The following SH3PXD2A variants were observed in gnomAD, a reference collection of about 807,000 sequenced individuals.
SH3PXD2A encodes SH3 and PX domain-containing protein 2A.
SH3PXD2A carries 32 observed loss-of-function variants against 115.2 expected under a neutral mutation model. The ratio of observed to expected loss-of-function variants is 0.28; its 90% confidence interval spans 0.21 to 0.37. The LOEUF (loss-of-function observed/expected upper bound fraction) is 0.37. SH3PXD2A is among the 10% of genes least tolerant of loss of function. The pLI is 1.00. For synonymous variants in SH3PXD2A, 610 were observed against 629.1 expected (o/e 0.97, Z 0.45); for missense variants, 1,328 against 1,498.7 (o/e 0.89, Z 1.88).
chr10:103,757,774 A>G (rs906884420), intron 3 of SH3PXD2A, among the ~76,000 whole-genome samples: 3 of 152,182 alleles, frequency 2.0e-5, no homozygotes, highest in African/African-American at 7.2e-5. Flanking sequence ...CTTTCATCCC[A>G]GATCAGCCAT....
intron 8 of SH3PXD2A, among the ~76,000 whole-genome samples, chr10:103,641,578 G>C (rs2036955630): frequency 6.6e-6 from 1 of 151,710 alleles, no homozygotes; most frequent in African/African-American, 2.4e-5. Context: ...AGCAATGCCT[G>C]CTCTATTAGT....
At chr10:103,702,596 C>CGTGTGT (rs6144056) in intron 5 of SH3PXD2A, among the ~76,000 whole-genome samples, 21 of 147,562 alleles carry the variant, frequency 1.4e-4, no homozygotes, top group South Asian at 4.4e-4. Context: ...TGTGTGTGTG[C>CGTGTGT]GTGTGTGTGT....
At chr10:103,727,768 ATCTT>A (rs1237625375) in intron 4 of SH3PXD2A, among the ~76,000 whole-genome samples, 10 of 152,350 alleles carry the variant, frequency 6.6e-5, no homozygotes, top group South Asian at 6.2e-4. Flanking sequence ...CAACCGCAGC[ATCTT>A]TATTTAACGG....
intron 2 of SH3PXD2A, among the ~76,000 whole-genome samples, chr10:103,767,828 T>TTTTTTTTC (rs2038776177): frequency 6.7e-6 from 1 of 149,566 alleles, no homozygotes; most frequent in Non-Finnish European, 1.5e-5. Flanking sequence ...TTTTTTTTTT[T>TTTTTTTTC]TTTTTTGCTA....
At chr10:103,809,425 C>T (rs1453329300) in intron 1 of SH3PXD2A, among the ~76,000 whole-genome samples, 1 of 152,162 alleles carries the variant, frequency 6.6e-6, no homozygotes, top group Non-Finnish European at 1.5e-5. Flanking sequence ...GAGAAGGTTC[C>T]TCCCAGAACC....
At position 103,612,953 on chromosome 10, in the gene SH3PXD2A, G is replaced by C. The variant is rs1383150265; in HGVS notation, c.1158C>G (p.Ala386=). ...GAACGCCCACGGCACTGCCATTGGA[G>C]GCATTGCAGAGGATGGGCAGGCTGA... ...KEISLPILCN[A]SNGSAVGVPD... The change falls in exon 12 of 15, where the codon GCC becomes GCG. Residue 386 remains alanine (A), a synonymous_variant. Transcript: ENST00000369774. 8.7e-6 allele frequency: 14 copies of C among 1,614,202 alleles called. No individual in the cohort carries two copies. Among genetic ancestry groups the C allele is most frequent in the Non-Finnish European group, 1.2e-5 (14 of 1,180,012 alleles).
At chr10:103,622,885 C>T (rs1467937363) in intron 9 of SH3PXD2A, among the ~76,000 whole-genome samples, 2 of 152,230 alleles carry the variant, frequency 1.3e-5, no homozygotes, top group African/African-American at 2.4e-5. Context: ...CCCTCAGCTA[C>T]AGCCTCCAGG....
chr10:103,746,497 T>G lies in SH3PXD2A; in HGVS notation c.230-10689A>C, dbSNP rs920972632. On this transcript the variant is annotated intron_variant, in intron 3 of 14. Transcript: ENST00000369774. This position sits in a 1 kb window ranked among gnomAD's most constrained non-coding sequence, Gnocchi z 4.4. ...ACCACACCAGGCTAATTTTTTGTATTTTTTTGTAGAAACTGGGTTTCACCA... is the reference window on the plus strand; with the variant it reads ...ACCACACCAGGCTAATTTTTTGTATGTTTTTGTAGAAACTGGGTTTCACCA... Among the ~76,000 whole-genome samples, 1 of 152,072 alleles carries G rather than the reference T, an allele frequency of 6.6e-6. No homozygotes were observed. The highest frequency in any genetic ancestry group is 1.5e-5 in the Non-Finnish European group (1 of 68,014).
intron 7 of SH3PXD2A, among the ~76,000 whole-genome samples, chr10:103,667,066 C>A (rs1222857354): frequency 6.6e-6 from 1 of 152,180 alleles, no homozygotes; most frequent in Non-Finnish European, 1.5e-5. Context: ...TCTCCAACAT[C>A]AGCCCTTACC....
At chr10:103,831,324 C>T (rs2039480583) in intron 1 of SH3PXD2A, among the ~76,000 whole-genome samples, 1 of 152,188 alleles carries the variant, frequency 6.6e-6, no homozygotes, top group South Asian at 2.1e-4. Flanking sequence ...GGCATTTGTA[C>T]TGTTCCAAGT....
chr10:103,639,169 T>C (rs2036911772), intron 8 of SH3PXD2A, among the ~76,000 whole-genome samples: 2 of 152,096 alleles, frequency 1.3e-5, no homozygotes, highest in African/African-American at 4.8e-5. Context: ...GGTGATACAA[T>C]GCTTGCCAAG....
At chr10:103,619,795 G>A (rs1165908110) in intron 10 of SH3PXD2A, among the ~76,000 whole-genome samples, 2 of 152,244 alleles carry the variant, frequency 1.3e-5, no homozygotes, top group Non-Finnish European at 2.9e-5. Flanking sequence ...AGCAACCACA[G>A]ATGTCCAGGA....
intron 1 of SH3PXD2A, among the ~76,000 whole-genome samples, chr10:103,821,012 C>T (rs939437469): frequency 6.6e-6 from 1 of 152,162 alleles, no homozygotes; most frequent in African/African-American, 2.4e-5. Context: ...TGCATTTCCT[C>T]GCCTAGACAA....
rs919966470 is a variant in SH3PXD2A at position 103,612,897 on chromosome 10, C to A, written c.1214G>T (p.Gly405Val). The A allele has an allele frequency of 8.7e-6, 14 of 1,604,136 alleles. No homozygotes were observed. The highest frequency in any genetic ancestry group is 4.5e-5 in the South Asian group (4 of 88,856). Residue 405 changes from glycine to valine, a missense_variant, in exon 12 of 15, where the codon GGC becomes GTC. By Grantham distance (109) the Gly-to-Val change is moderately radical. Transcript: ENST00000369774. The part of the protein sequence containing the change: ...PDRTVSRLAQ[G>V]SPAVARIAPQ... ...GGCAATCCTGGCCACAGCTGGAGAG[C>A]CCTGGGCCAGCCTGGAGACAGTCCT...
chr10:103,708,689 C>T (rs929414177), intron 5 of SH3PXD2A, among the ~76,000 whole-genome samples: 6 of 152,186 alleles, frequency 3.9e-5, no homozygotes, highest in Non-Finnish European at 5.9e-5. Flanking sequence ...CTGCTTGAGC[C>T]GCAATCCTCA....
chr10:103,744,310 C>G (rs1405945995), intron 3 of SH3PXD2A, among the ~76,000 whole-genome samples: 1 of 152,136 alleles, frequency 6.6e-6, no homozygotes, highest in Non-Finnish European at 1.5e-5. Flanking sequence ...TGTGCCACCA[C>G]ACCTGGCTAA....
intron 8 of SH3PXD2A, among the ~76,000 whole-genome samples, chr10:103,655,858 C>T (rs1013712960): frequency 2.0e-4 from 30 of 147,478 alleles, no homozygotes; most frequent in South Asian, 6.6e-4. Flanking sequence ...ATGAGCACAT[C>T]AATTAGACTC....
intron 7 of SH3PXD2A, among the ~76,000 whole-genome samples, chr10:103,662,705 G>A (rs892769591): frequency 6.6e-6 from 1 of 152,132 alleles, no homozygotes; most frequent in Non-Finnish European, 1.5e-5. Flanking sequence ...GGCCTATGAT[G>A]TGCTTTTAGC....
chr10:103,810,437 G>C (rs537400296), intron 1 of SH3PXD2A, among the ~76,000 whole-genome samples: 3 of 152,288 alleles, frequency 2.0e-5, no homozygotes, highest in Admixed American at 2.0e-4. Context: ...GCCGAGAAGT[G>C]AGCCTCAGAA....
Sources: gnomAD v4.1 joint callset for allele counts (sites outside exome capture counted in the v4.1 genomes callset) on GRCh38, gnomAD v4.1.1 for gene constraint, Gnocchi (gnomAD v3.1) non-coding constraint, MANE v1.5 for transcripts, NCBI Gene and HGNC (gene_info 2026-07-23, HGNC 2026-07-21) for gene names.